Variants in ITPR2 observed in about 807,000 individuals in gnomAD.
The protein encoded by ITPR2 is inositol 1,4,5-trisphosphate receptor type 2.
In ITPR2, 207 loss-of-function variants were observed where a neutral mutation model predicts 317.1. That is an observed-to-expected ratio of 0.65 (90% CI 0.58 to 0.73). ITPR2 has a LOEUF of 0.73. Among genes scored for constraint, ITPR2 ranks in the 30% least tolerant of loss-of-function variants. The pLI is 0.00. For missense variants in ITPR2, 2,613 were observed against 3,284.0 expected (o/e 0.80, Z 4.99); for synonymous variants, 1,156 against 1,149.1 (o/e 1.01, Z -0.12).
intron 37 of ITPR2, among the ~76,000 whole-genome samples, chr12:26,502,615 T>C (rs1265617474): frequency 6.6e-6 from 1 of 152,070 alleles, no homozygotes; most frequent in East Asian, 1.9e-4. Context: ...AAATGGAACT[T>C]CAAGAGGTAA....
intron 54 of ITPR2, 82 bp downstream of exon 54, chr12:26,398,794 A>C: frequency 8.3e-7 from 1 of 1,203,890 alleles, no homozygotes; most frequent in Non-Finnish European, 1.2e-6. Flanking sequence ...TTCCGAAAGC[A>C]TGAAAAATAA....
chr12:26,682,026 G>C lies in ITPR2; in HGVS notation c.1257C>G (p.Thr419=). ...CTTCTTTATCTTCTTTGGTTTGGCAGGTTCCAATCTGAAATGTTTTTCCAT... is the reference window on the plus strand; with the variant it reads ...CTTCTTTATCTTCTTTGGTTTGGCACGTTCCAATCTGAAATGTTTTTCCAT... ...EERPVMLKIG[T]CQTKEDKEAF... The change falls in exon 13 of 57, where the codon ACC becomes ACG. Residue 419 remains threonine, a synonymous_variant. Transcript: ENST00000381340. The C allele has an allele frequency of 1.2e-6, 2 of 1,609,418 alleles. No individual in the cohort carries two copies. Among genetic ancestry groups the C allele is most frequent in the African/African-American group, 2.7e-5 (2 of 74,662 alleles).
chr12:26,675,375 T>C (rs1256544381), intron 13 of ITPR2, among the ~76,000 whole-genome samples: 1 of 152,094 alleles, frequency 6.6e-6, no homozygotes, highest in Non-Finnish European at 1.5e-5. Flanking sequence ...CCATAAAAAA[T>C]GATGAGTTCA....
chr12:26,372,454 A>T (rs1243611072), intron 55 of ITPR2, among the ~76,000 whole-genome samples: 1 of 152,206 alleles, frequency 6.6e-6, no homozygotes, highest in East Asian at 1.9e-4. Context: ...GAATGTAGGG[A>T]TGTTTACGCA....
chr12:26,618,939 A>G (rs1411968652), intron 26 of ITPR2, among the ~76,000 whole-genome samples: 1 of 152,264 alleles, frequency 6.6e-6, no homozygotes, highest in East Asian at 1.9e-4. Context: ...GACACATGGT[A>G]AAACTACTAA....
At chr12:26,546,889 C>T (rs1028617917) in intron 37 of ITPR2, among the ~76,000 whole-genome samples, 1 of 152,046 alleles carries the variant, frequency 6.6e-6, no homozygotes, top group African/African-American at 2.4e-5. Flanking sequence ...TCACCATATA[C>T]AAAAATCAAC....
At chr12:26,410,874 G>A (rs529466924) in intron 52 of ITPR2, among the ~76,000 whole-genome samples, 47 of 152,130 alleles carry the variant, frequency 3.1e-4, no homozygotes, top group Non-Finnish European at 6.6e-4. Flanking sequence ...GAGATAGGCA[G>A]GCAAGTCATC....
intron 45 of ITPR2, among the ~76,000 whole-genome samples, chr12:26,474,325 G>A (rs1257968139): frequency 6.6e-6 from 1 of 152,124 alleles, no homozygotes; most frequent in East Asian, 1.9e-4. Flanking sequence ...AAAAACAAAG[G>A]AGCTATCATA....
Position 26,602,056 on chromosome 12 carries a change from G to A in ITPR2, c.3678+314C>T, listed in dbSNP as rs77599265. The stretch of plus-strand genomic sequence containing the variant: ...TAAATAAACATGACAACCGAATAGC[G>A]CATGATTCTGAAGTGGATCTTTTTT... On this transcript the variant is annotated intron_variant, in intron 28 of 56. Transcript: ENST00000381340. Among the ~76,000 whole-genome samples, 1,402 of 152,172 alleles carry A rather than the reference G, an allele frequency of 9.2e-3. 13 individuals carry two copies. The highest frequency in any genetic ancestry group is 0.015 in the Non-Finnish European group (1,007 of 67,988).
chr12:26,807,781 A>C (rs1448412160), intron 1 of ITPR2, among the ~76,000 whole-genome samples: 1 of 152,190 alleles, frequency 6.6e-6, no homozygotes, highest in Non-Finnish European at 1.5e-5. Flanking sequence ...AGACCATAAT[A>C]TCAACCCCAA....
chr12:26,745,463 C>T (rs1364763558), intron 2 of ITPR2, among the ~76,000 whole-genome samples: 1 of 152,222 alleles, frequency 6.6e-6, no homozygotes, highest in Non-Finnish European at 1.5e-5. Context: ...ATAGCCCAAA[C>T]TGCAAAGTTG....
intron 1 of ITPR2, among the ~76,000 whole-genome samples, chr12:26,820,068 A>G (rs1040560794): frequency 2.6e-5 from 4 of 152,134 alleles, no homozygotes; most frequent in Non-Finnish European, 4.4e-5. Flanking sequence ...AGTGAGACTC[A>G]GTCTCAAAAA....
At chr12:26,349,743 T>C (rs1417046160) in intron 55 of ITPR2, among the ~76,000 whole-genome samples, 2 of 152,346 alleles carry the variant, frequency 1.3e-5, no homozygotes, top group Non-Finnish European at 2.9e-5. Context: ...TGGCCCCTTT[T>C]TCATGGCACC....
chr12:26,634,924 AGAAAGAATGACG>A (rs1946833599), intron 21 of ITPR2, among the ~76,000 whole-genome samples: 1 of 150,936 alleles, frequency 6.6e-6, no homozygotes, highest in Non-Finnish European at 1.5e-5. Context: ...GGGACTGCTT[AGAAAGAATGACG>A]GGTCAACTTT....
intron 47 of ITPR2, among the ~76,000 whole-genome samples, chr12:26,437,366 C>G (rs989748675): frequency 6.6e-6 from 1 of 152,214 alleles, no homozygotes; most frequent in Non-Finnish European, 1.5e-5. Context: ...CTGTACTTCT[C>G]TTTAGTACAT....
At chr12:26,612,543 T>C (rs1006682542) in intron 26 of ITPR2, among the ~76,000 whole-genome samples, 1 of 152,262 alleles carries the variant, frequency 6.6e-6, no homozygotes, top group Non-Finnish European at 1.5e-5. Flanking sequence ...TGGCTGTATA[T>C]AAATTAGTAA....
At chr12:26,814,035 A>G (rs1398491969) in intron 1 of ITPR2, among the ~76,000 whole-genome samples, 1 of 152,202 alleles carries the variant, frequency 6.6e-6, no homozygotes, top group South Asian at 2.1e-4. Context: ...CACCTTTGCC[A>G]TCAGAGCAGC....
At chr12:26,569,912 T>G (rs1231776885) in intron 34 of ITPR2, among the ~76,000 whole-genome samples, 1 of 152,166 alleles carries the variant, frequency 6.6e-6, no homozygotes, top group Non-Finnish European at 1.5e-5. Flanking sequence ...ACCCAAAAAG[T>G]CTATTCCTAG....
At position 26,602,403 on chromosome 12, in the gene ITPR2, C is replaced by T. The variant is rs1387780495; in HGVS notation, c.3645G>A (p.Val1215=). 11 of 1,613,650 alleles carry T rather than the reference C, an allele frequency of 6.8e-6. No individual in the cohort carries two copies. In the Admixed American group the frequency reaches 1.5e-4, roughly 22 times the overall value. Residue 1215 remains valine, a synonymous_variant, in exon 28 of 57, where the codon GTG becomes GTA. Transcript: ENST00000381340. ...RLLKNMGAHS[V]VLDLLQIPYE... ...AGGGTATCTGCAGAAGATCCAACAC[C>T]ACCGAATGCGCCCCCATATTTTTCA...
Sources: allele counts gnomAD v4.1 joint callset (sites outside exome capture counted in the v4.1 genomes callset), GRCh38; gene constraint gnomAD v4.1.1; transcripts MANE v1.5; gene names NCBI Gene and HGNC (gene_info 2026-07-23, HGNC 2026-07-21).